PTK7: variants seen among roughly 807,000 people sequenced by gnomAD.
The protein encoded by PTK7 is inactive tyrosine-protein kinase 7.
In PTK7, 39 loss-of-function variants were observed where a neutral mutation model predicts 116.6. That is an observed-to-expected ratio of 0.33 (90% CI 0.26 to 0.44). The LOEUF (loss-of-function observed/expected upper bound fraction) is 0.44, where lower values mean the gene tolerates loss of function less well. Among genes scored for constraint, PTK7 ranks in the 20% least tolerant of loss-of-function variants. The probability of loss-of-function intolerance (pLI) is 1.00; values close to 1 mark genes in which losing one functional copy is unlikely to be tolerated. For synonymous variants in PTK7, 546 were observed against 563.6 expected, an observed-to-expected ratio of 0.97 and a Z score of 0.44; for missense variants, 1,169 against 1,425.6, an observed-to-expected ratio of 0.82 and a Z score of 2.90.
Position 43,129,971 on chromosome 6 carries a change from C to T in PTK7, c.470+142C>T. 2.2e-6 allele frequency: 2 copies of T among 925,570 alleles called. No individual in the cohort carries two copies. Among genetic ancestry groups the T allele is most frequent in the Non-Finnish European group, 3.3e-6 (2 of 602,652 alleles). The allele number at this position is 925,570 out of a possible 1,614,324, so 57.3% of individuals were successfully genotyped here. The stretch of plus-strand genomic sequence containing the variant: ...CCACAGTGCTCTTCACCCTGCCCTC[C>T]CCCAGATATTGCCCTATGCCGGCCC... On this transcript the variant is annotated intron_variant, in intron 3 of 19. Coordinates refer to ENST00000230419, the MANE Select transcript of PTK7 (RefSeq NM_002821.5). The surrounding 1 kb of genome is among the most constrained non-coding windows in gnomAD (Gnocchi z 4.5).
At chr6:43,148,782 A>T (rs1301048146) in intron 17 of PTK7, among the ~76,000 whole-genome samples, 1 of 151,704 alleles carries the variant, frequency 6.6e-6, no homozygotes, top group Non-Finnish European at 1.5e-5. Flanking sequence ...AAAAACAGGC[A>T]GGGCTCAGTG....
intron 1 of PTK7, among the ~76,000 whole-genome samples, chr6:43,116,651 T>TGCGCGCGCGCGCGCGCGCGC (rs879197725): frequency 2.6e-5 from 2 of 77,214 alleles, no homozygotes; most frequent in African/African-American, 1.3e-4. Flanking sequence ...TGTGTGTGTG[T>TGCGCGCGCGCGCGCGCGCGC]GCGCGCGCAC....
chr6:43,138,025 T>G (rs1770147358), intron 7 of PTK7, among the ~76,000 whole-genome samples: 1 of 152,092 alleles, frequency 6.6e-6, no homozygotes, highest in African/African-American at 2.4e-5. Flanking sequence ...GCCAGACTGG[T>G]TTTGAACTCC....
At chr6:43,077,129 G>A (rs1766083777) in intron 1 of PTK7, 2 of 969,518 alleles carry the variant, frequency 2.1e-6, no homozygotes, top group Admixed American at 3.9e-5. Flanking sequence ...ATGGCCCTGC[G>A]GGTGAGGGCG....
chr6:43,119,438 C>A (rs1768824447), intron 1 of PTK7, among the ~76,000 whole-genome samples: 1 of 152,198 alleles, frequency 6.6e-6, no homozygotes, highest in Non-Finnish European at 1.5e-5. Flanking sequence ...CCATGGGAAG[C>A]TGGCTCCCAG....
At chr6:43,151,474 A>G (rs1771078419) in intron 17 of PTK7, among the ~76,000 whole-genome samples, 1 of 149,328 alleles carries the variant, frequency 6.7e-6, no homozygotes, top group African/African-American at 2.5e-5. Context: ...AGCCTCCCAA[A>G]GTGCTGGGAT....
At chr6:43,116,653 C>CGCGTGTGTGT (rs1554151416) in intron 1 of PTK7, among the ~76,000 whole-genome samples, 3 of 87,712 alleles carry the variant, frequency 3.4e-5, no homozygotes, top group Non-Finnish European at 7.0e-5. Context: ...TGTGTGTGTG[C>CGCGTGTGTGT]GCGCGCACGC....
Position 43,143,302 on chromosome 6 carries a change from C to T in PTK7, c.2048-115C>T, listed in dbSNP as rs1770525978. ...TTGTTAAAGCCAGTGAAGGTGGTGA[C>T]CCTCCCGGGCCATCTGTTAAGTTGC... On this transcript the variant is annotated intron_variant, in intron 13 of 19. Coordinates refer to ENST00000230419, the MANE Select transcript of PTK7 (RefSeq NM_002821.5). The surrounding 1 kb of genome is among the most constrained non-coding windows in gnomAD (Gnocchi z 4.2). 6 of 1,013,144 alleles carry T rather than the reference C, an allele frequency of 5.9e-6. No individual in the cohort carries two copies. The highest frequency in any genetic ancestry group is 8.7e-6 in the Non-Finnish European group (6 of 688,366). 62.8% of individuals were successfully genotyped at this position (1,013,144 alleles called of 1,614,324 possible).
intron 17 of PTK7, among the ~76,000 whole-genome samples, chr6:43,157,337 TATATATATATATATATATATATATATA>T (rs1771500789): frequency 1.2e-3 from 2 of 1,682 alleles, no homozygotes; most frequent in East Asian, 0.016. Flanking sequence ...TATATATATA[TATATATATATATATATATATATATATA>T]TTTTTTTTTT....
chr6:43,082,009 C>T (rs766828686), intron 1 of PTK7, among the ~76,000 whole-genome samples: 6 of 152,042 alleles, frequency 3.9e-5, no homozygotes, highest in South Asian at 2.1e-4. Flanking sequence ...GGGTAAGCAC[C>T]GCTACGTATG....
At chr6:43,101,769 G>C (rs1010856159) in intron 1 of PTK7, among the ~76,000 whole-genome samples, 2 of 152,124 alleles carry the variant, frequency 1.3e-5, no homozygotes, top group African/African-American at 4.8e-5. Context: ...AGAAACGTTG[G>C]TGTAAAAGTC....
chr6:43,105,779 A>G (rs1032739951), intron 1 of PTK7, among the ~76,000 whole-genome samples: 32 of 152,302 alleles, frequency 2.1e-4, no homozygotes, highest in Admixed American at 1.7e-3. Flanking sequence ...AGCCACCAGG[A>G]GCAAGGACAG....
chr6:43,085,975 G>A (rs1213942328), intron 1 of PTK7, among the ~76,000 whole-genome samples: 2 of 149,248 alleles, frequency 1.3e-5, no homozygotes, highest in Non-Finnish European at 3.0e-5. Context: ...TCATTCAAAA[G>A]CACAAGTTTT....
At chr6:43,083,788 C>T (rs1766502131) in intron 1 of PTK7, among the ~76,000 whole-genome samples, 1 of 152,184 alleles carries the variant, frequency 6.6e-6, no homozygotes, top group Non-Finnish European at 1.5e-5. Context: ...TCCCAAGCCC[C>T]TGTTAGAAGT....
At chr6:43,123,551 G>T (rs962875268) in intron 1 of PTK7, among the ~76,000 whole-genome samples, 1 of 148,220 alleles carries the variant, frequency 6.7e-6, no homozygotes, top group Non-Finnish European at 1.5e-5. Flanking sequence ...GGCTGGCTGG[G>T]CCTGAGCCCA....
In PTK7 at chr6:43,144,503, C is replaced by A. The variant is rs749328958; in HGVS notation, c.2304C>A (p.Ala768=). Residue 768 remains alanine, a synonymous_variant, in exon 15 of 20, where the codon GCC becomes GCA. Transcript: ENST00000230419. ...CAGCAGAGATCCAAGAAGAAGTGGC[C>A]TTGACCAGCTTGGGCTCCGGCCCCG... is the stretch of plus-strand genomic sequence containing the variant. ...QPSAEIQEEV[A]LTSLGSGPAA... The A allele has an allele frequency of 4.3e-6, 7 of 1,614,048 alleles. No individual in the cohort carries two copies. In the South Asian group the frequency reaches 7.7e-5, roughly 18 times the overall value.
Position 43,142,088 on chromosome 6 carries a change from C to T in PTK7, c.1919+7C>T, listed in dbSNP as rs1423598640. The T allele has an allele frequency of 3.1e-6, 5 of 1,612,548 alleles. No individual in the cohort carries two copies. Among genetic ancestry groups the T allele is most frequent in the Non-Finnish European group, 4.2e-6 (5 of 1,179,332 alleles). ...CCACCAAGCTGGGACCCAGGTAGGG[C>T]CACCTCTCTCCCACACCCGTCCCTC... On this transcript the variant is annotated splice_region_variant and intron_variant, in intron 12 of 19. Coordinates refer to ENST00000230419, the MANE Select transcript of PTK7 (RefSeq NM_002821.5).
chr6:43,124,396 G>A (rs970243609), intron 1 of PTK7, among the ~76,000 whole-genome samples: 16 of 152,144 alleles, frequency 1.1e-4, no homozygotes, highest in South Asian at 4.1e-4. Flanking sequence ...ACAAAACAGC[G>A]GACCAAAGCC....
At chr6:43,148,451 TC>T (rs137949594) in intron 17 of PTK7, among the ~76,000 whole-genome samples, 42 of 152,244 alleles carry the variant, frequency 2.8e-4, no homozygotes, top group African/African-American at 8.7e-4. Flanking sequence ...AAAGAAGTCT[TC>T]CTAGTAGAGA....
Sources: allele counts gnomAD v4.1 joint callset (sites outside exome capture counted in the v4.1 genomes callset), GRCh38; gene constraint gnomAD v4.1.1; non-coding constraint Gnocchi (gnomAD v3.1); transcripts MANE v1.5; gene names NCBI Gene and HGNC (gene_info 2026-07-23, HGNC 2026-07-21).